SLC26A6: variants seen among roughly 807,000 people sequenced by gnomAD.
The protein encoded by SLC26A6 is anion exchange transporter.
A neutral mutation model predicts 87.1 loss-of-function variants in SLC26A6; 67 were observed. That is an observed-to-expected ratio of 0.77 (90% CI 0.63 to 0.94). SLC26A6 has a LOEUF of 0.94. SLC26A6 is among the 40% of genes least tolerant of loss of function. The probability of loss-of-function intolerance (pLI) is 0.00; values close to 1 mark genes in which losing one functional copy is unlikely to be tolerated. For synonymous variants in SLC26A6, 414 were observed against 405.9 expected (o/e 1.02, Z -0.24); for missense variants, 902 against 973.0 (o/e 0.93, Z 0.97).
At chr3:48,633,109 A>G (rs2106673310) in intron 3 of SLC26A6, 25 bp from the exon 4 acceptor site, 1 of 1,600,460 alleles carries the variant, frequency 6.2e-7, no homozygotes, top group Non-Finnish European at 8.5e-7. Context: ...GTAGCAGTGC[A>G]GGCCTGGAGA....
At chr3:48,631,359 G>A (rs2046786682) in intron 7 of SLC26A6, 53 bp from the exon 8 acceptor site, 2 of 1,492,126 alleles carry the variant, frequency 1.3e-6, no homozygotes, top group South Asian at 1.4e-5. Flanking sequence ...TGGTCAGGGG[G>A]ACACATAAAC....
At chr3:48,626,519 C>G in intron 19 of SLC26A6, 112 bp downstream of exon 19, 1 of 1,561,494 alleles carries the variant, frequency 6.4e-7, no homozygotes, top group Non-Finnish European at 8.8e-7. Flanking sequence ...CAGGACACCT[C>G]TGACCTCCAG....
At chr3:48,634,866 G>T (rs2046910436) in intron 1 of SLC26A6, 1 of 588,298 alleles carries the variant, frequency 1.7e-6, no homozygotes, top group Non-Finnish European at 2.1e-6. Context: ...GAGTCACTCA[G>T]GTCTTCTTAA....
chr3:48,632,835 A>T (rs2046843827), intron 4 of SLC26A6, 139 bp downstream of exon 4: 9 of 838,204 alleles, frequency 1.1e-5, no homozygotes, highest in Non-Finnish European at 1.6e-5. Context: ...CCTGGGGATG[A>T]CTCGTGGGCT....
In SLC26A6 at chr3:48,628,029, G is replaced by C. The variant is rs1406976907; in HGVS notation, c.1810C>G (p.Pro604Ala). 8.2e-6 allele frequency: 13 copies of C among 1,577,392 alleles called. No homozygotes were observed. Among genetic ancestry groups the C allele is most frequent in the Non-Finnish European group, 1.1e-5 (13 of 1,167,568 alleles). ...EEKLRKQAAS[P>A]KGASVSINVN... is the part of the protein sequence containing the mutation. Reference sequence around the variant, plus strand: ...TTAATGGAAACTGAGGCGCCCTTGGGGGAGGCAGCCTACACCAGGGAAGAC... The same window carrying C: ...TTAATGGAAACTGAGGCGCCCTTGGCGGAGGCAGCCTACACCAGGGAAGAC... Residue 604 changes from proline (P) to alanine (A), a missense_variant, in exon 17 of 21, where the codon CCC (proline) becomes GCC (alanine). By Grantham distance (27) the Pro-to-Ala change is conservative (BLOSUM62 -1). Transcript: ENST00000395550. The surrounding 1 kb of genome is among the most constrained non-coding windows in gnomAD (Gnocchi z 4.4).
At chr3:48,631,620 C>T (rs368886390) in intron 7 of SLC26A6, 29 bp downstream of exon 7, 6 of 1,606,326 alleles carry the variant, frequency 3.7e-6, no homozygotes, top group Middle Eastern at 1.7e-4. Flanking sequence ...TGCCCTTCTC[C>T]CCTGCCCTCC....
In SLC26A6 at chr3:48,627,600, G is replaced by A. The variant is rs546245256; in HGVS notation, c.1893+346C>T. 25 of 202,322 alleles carry A rather than the reference G, an allele frequency of 1.2e-4. No homozygotes were observed. The South Asian group carries it at 1.3e-3, about 10-fold the overall frequency. The allele number at this position is 202,322 out of a possible 1,614,324, so 12.5% of individuals were successfully genotyped here. ...AATGATTTTCCCGCCTTAGCCTCCC[G>A]AAGAGCTGGGACTACAGGCGCGTAC... On this transcript the variant is annotated intron_variant, in intron 17 of 20. Transcript: ENST00000395550.
rs2046697044 is a variant in SLC26A6, at chr3:48,628,738, G to A, written c.1600-24C>T. ...GCCTGGGGATGAGGCAGAACTGGTG[G>A]TGGCTGAATCTCCTCTCTCCTGGCT... On this transcript the variant is annotated intron_variant, in intron 14 of 20. Coordinates refer to ENST00000395550, the MANE Select transcript of SLC26A6 (RefSeq NM_022911.3). The surrounding 1 kb of genome is among the most constrained non-coding windows in gnomAD (Gnocchi z 4.4). 2 of 1,609,422 alleles carry A rather than the reference G, an allele frequency of 1.2e-6. No individual in the cohort carries two copies. The highest frequency in any genetic ancestry group is 1.7e-6 in the Non-Finnish European group (2 of 1,177,958).
In SLC26A6 at chr3:48,628,445, G is replaced by A. The variant is rs746690154; in HGVS notation, c.1789C>T (p.Leu597Phe). The A allele has an allele frequency of 6.2e-7, 1 of 1,614,076 alleles. No homozygotes were observed. The highest frequency in any genetic ancestry group is 1.1e-5 in the South Asian group (1 of 91,084). ...KLKQLQKEEK[L>F]RKQAASPKGA... Reference sequence around the variant, plus strand: ...AAAAGGGGCCCTGCCTGTTTCCGAAGCTTCTCCTCTTTCTGCAGTTGCTTC... The same window carrying A: ...AAAAGGGGCCCTGCCTGTTTCCGAAACTTCTCCTCTTTCTGCAGTTGCTTC... The change falls in exon 16 of 21, where the codon CTT becomes TTT. Residue 597 changes from leucine (L) to phenylalanine (F), a missense_variant. Transcript: ENST00000395550. This position sits in a 1 kb window ranked among gnomAD's most constrained non-coding sequence, Gnocchi z 4.4.
chr3:48,630,566 C>A (rs774512344), intron 10 of SLC26A6, 41 bp downstream of exon 10: 5 of 1,559,622 alleles, frequency 3.2e-6, no homozygotes, highest in Non-Finnish European at 4.3e-6. Flanking sequence ...CCAGGCAAAG[C>A]AATGTGCATG....
Position 48,630,626 on chromosome 3 carries a change from C to T in SLC26A6, c.1229G>A (p.Ser410Asn), listed in dbSNP as rs1275080340. Residue 410 changes from serine (S) to asparagine (N), a missense_variant, in exon 10 of 21, where the codon AGC becomes AAC. Ser to Asn is a conservative substitution (Grantham distance 46, BLOSUM62 1). Transcript: ENST00000395550. ...CSMSRSLVQESTGGNSQVAGA... is the reference protein window; with the variant it reads ...CSMSRSLVQENTGGNSQVAGA... The stretch of plus-strand genomic sequence containing the variant: ...GCCCACCTGCGAGTTGCCCCCGGTG[C>T]TCTCCTGTACCAGGCTCCGAGACAT... 1 of 1,587,364 alleles carries T rather than the reference C, an allele frequency of 6.3e-7. No individual in the cohort carries two copies.
rs1020951136 is a variant in SLC26A6, at chr3:48,628,267, C to T, written c.1800+167G>A. Reference sequence around the variant, plus strand: ...CAGATGATGGGAGAGAAAATGCTGCCTAGAGCCCGGACCTGCTAGGGGAGT... The same window carrying T: ...CAGATGATGGGAGAGAAAATGCTGCTTAGAGCCCGGACCTGCTAGGGGAGT... On this transcript the variant is annotated intron_variant, in intron 16 of 20. Transcript: ENST00000395550. This position sits in a 1 kb window ranked among gnomAD's most constrained non-coding sequence, Gnocchi z 4.4. 19 of 911,416 alleles carry T rather than the reference C, an allele frequency of 2.1e-5. No homozygotes were observed. The highest frequency in any genetic ancestry group is 3.0e-5 in the Non-Finnish European group (18 of 605,538). The allele number at this position is 911,416 out of a possible 1,614,324, so 56.5% of individuals were successfully genotyped here. A position where few individuals can be genotyped will look rare whatever the true frequency, so the allele number is the denominator to read the frequency against.
rs2046848065 is a variant in SLC26A6 at position 48,632,958 on chromosome 3, G to A, written c.433+16C>T. 1.9e-6 allele frequency: 3 copies of A among 1,607,872 alleles called. No homozygotes were observed. In the African/African-American group the frequency reaches 4.0e-5, roughly 21 times the overall value. On this transcript the variant is annotated intron_variant, in intron 4 of 20. Transcript: ENST00000395550. ...TGTGGGCATCCTCCTGGAAGGCTAG[G>A]CCTGCCTCCACTTACCCACGGAGAT... is the stretch of plus-strand genomic sequence containing the variant.
chr3:48,631,890 G>A lies in SLC26A6; in HGVS notation c.740C>T (p.Ser247Phe), dbSNP rs372346536. 28 of 1,613,538 alleles carry A rather than the reference G, an allele frequency of 1.7e-5. No individual in the cohort carries two copies. The highest frequency in any genetic ancestry group is 2.4e-5 in the Non-Finnish European group (28 of 1,180,034). The change falls in exon 6 of 21, where the codon TCC (serine) becomes TTC (phenylalanine). Residue 247 changes from serine to phenylalanine, a missense_variant. Physicochemically the swap from Ser to Phe is radical, Grantham distance 155 (BLOSUM62 -2). Transcript: ENST00000395550. ...CCTACCCTCACTCACATAGATGAGG[G>A]ACAGTGGCCCAGAGTGGCTGCTCAG... is the stretch of plus-strand genomic sequence containing the variant. ...LHLSSHSGPL[S>F]LIYTVLEVCW...
Position 48,633,103 on chromosome 3 carries a change from CA to C in SLC26A6, c.323-20del, listed in dbSNP as rs753079112. 6.2e-7 allele frequency: 1 copy of C among 1,604,092 alleles called. No individual in the cohort carries two copies. The highest frequency in any genetic ancestry group is 8.5e-7 in the Non-Finnish European group (1 of 1,174,862). On this transcript the variant is annotated intron_variant, in intron 3 of 20. Coordinates refer to ENST00000395550, the MANE Select transcript of SLC26A6 (RefSeq NM_022911.3). ...GCCAAGCCTAGGGGTAGAATGGTAGCAGTGCAGGCCTGGAGAGCAGATCTTG... is the reference window on the plus strand; with the variant it reads ...GCCAAGCCTAGGGGTAGAATGGTAGCGTGCAGGCCTGGAGAGCAGATCTTG...
chr3:48,628,758 C>T lies in SLC26A6; in HGVS notation c.1600-44G>A, dbSNP rs2046697970. 6 of 1,591,984 alleles carry T rather than the reference C, an allele frequency of 3.8e-6. No individual in the cohort carries two copies. The highest frequency in any genetic ancestry group is 2.3e-5 in the East Asian group (1 of 43,840). Reference sequence around the variant, plus strand: ...TGGTGGTGGCTGAATCTCCTCTCTCCTGGCTGCATCCTGTTCTCCTGCCTT... The same window carrying T: ...TGGTGGTGGCTGAATCTCCTCTCTCTTGGCTGCATCCTGTTCTCCTGCCTT... On this transcript the variant is annotated intron_variant, in intron 14 of 20. Coordinates refer to ENST00000395550, the MANE Select transcript of SLC26A6 (RefSeq NM_022911.3). The surrounding 1 kb of genome is among the most constrained non-coding windows in gnomAD (Gnocchi z 4.4).
rs938595448 is a variant in SLC26A6 at position 48,629,884 on chromosome 3, A to G, written c.1517T>C (p.Val506Ala). 1.4e-5 allele frequency: 23 copies of G among 1,614,122 alleles called. No individual in the cohort carries two copies. Among genetic ancestry groups the G allele is most frequent in the Non-Finnish European group, 1.9e-5 (23 of 1,180,038 alleles). Reference protein sequence around the residue: ...AVIFSLLLVVVRTQMPHYSVL... With the variant: ...AVIFSLLLVVARTQMPHYSVL... ...ATGGCGGACTCACATCTGTGTCCGG[A>G]CCACCACGAGCAGCAGGGAGAAGAT... The change falls in exon 13 of 21, where the codon GTC becomes GCC. Residue 506 changes from valine to alanine, a missense_variant. Physicochemically the swap from Val to Ala is moderately conservative, Grantham distance 64 (BLOSUM62 0). This residue lies in a region of SLC26A6 where 800 missense variants were observed against 856.8 expected (regional missense o/e 0.93). Transcript: ENST00000395550.
At chr3:48,626,397 A>G in intron 19 of SLC26A6, 43 bp from the exon 20 acceptor site, 1 of 1,613,080 alleles carries the variant, frequency 6.2e-7, no homozygotes, top group Non-Finnish European at 8.5e-7. Flanking sequence ...CAGAACCTCT[A>G]GGAACTCAAC....
At position 48,625,901 on chromosome 3, in the gene SLC26A6, C is replaced by T. The variant is rs1444187216; in HGVS notation, c.*85G>A. The T allele has an allele frequency of 6.4e-7, 1 of 1,569,126 alleles. No individual in the cohort carries two copies. Among genetic ancestry groups the T allele is most frequent in the African/African-American group, 1.4e-5 (1 of 74,010 alleles). ...GTACATGGAGGGGACTCCTGGGTAG[C>T]ACCTGGAGGCGGCCTAGGGGTGAGG... is the stretch of plus-strand genomic sequence containing the variant. On this transcript the variant is annotated 3_prime_UTR_variant, in exon 21 of 21. Coordinates refer to ENST00000395550, the MANE Select transcript of SLC26A6 (RefSeq NM_022911.3). The surrounding 1 kb of genome is among the most constrained non-coding windows in gnomAD (Gnocchi z 4.7).
Sources: allele counts gnomAD v4.1 joint callset, GRCh38; gene constraint gnomAD v4.1.1; regional missense constraint gnomAD v4.1.1; non-coding constraint Gnocchi (gnomAD v3.1); transcripts MANE v1.5; gene names NCBI Gene and HGNC (gene_info 2026-07-23, HGNC 2026-07-21).